Variants in BZW2 observed in about 807,000 individuals in gnomAD.
The protein encoded by BZW2 is eIF5-mimic protein 1.
Under a neutral mutation model 53.2 loss-of-function variants are expected in BZW2, and 23 were observed. That is an observed-to-expected ratio of 0.43 (90% CI 0.31 to 0.61). BZW2 has a LOEUF of 0.61. Among genes scored for constraint, BZW2 ranks in the 20% least tolerant of loss-of-function variants. BZW2 has a pLI of 0.09. For synonymous variants in BZW2, 227 were observed against 186.4 expected (o/e 1.22, Z -1.77); for missense variants, 409 against 503.1 (o/e 0.81, Z 1.79).
At position 16,665,287 on chromosome 7, in the gene BZW2, C is replaced by T. The variant is rs1296237559; in HGVS notation, c.-7-150C>T. The T allele has an allele frequency of 1.1e-5, 10 of 912,530 alleles. No individual in the cohort carries two copies. In the East Asian group the frequency reaches 2.5e-4, roughly 23 times the overall value. 56.5% of individuals were successfully genotyped at this position (912,530 alleles called of 1,614,324 possible). ...CACCACTGCACTCCCACCTGGGCGA[C>T]AGCGAGACTCTGTCTCAATTGAAAA... is the stretch of plus-strand genomic sequence containing the variant. On this transcript the variant is annotated intron_variant, in intron 1 of 11. Transcript: ENST00000258761.
intron 8 of BZW2, 55 bp downstream of exon 8, chr7:16,695,059 T>A: frequency 6.9e-7 from 1 of 1,449,874 alleles, no homozygotes; most frequent in East Asian, 2.3e-5. Flanking sequence ...AGGAATTACA[T>A]GGGCTGTGTA....
At chr7:16,672,812 C>G (rs1782645811) in intron 2 of BZW2, among the ~76,000 whole-genome samples, 1 of 152,122 alleles carries the variant, frequency 6.6e-6, no homozygotes, top group Non-Finnish European at 1.5e-5. Context: ...GAGTCTAAAC[C>G]AAAACTCTTT....
Position 16,674,422 on chromosome 7 carries a change from G to C in BZW2, c.69G>C (p.Glu23Asp). 6.3e-7 allele frequency: 1 copy of C among 1,582,856 alleles called. No individual in the cohort carries two copies. The part of the protein sequence containing the change: ...RFKTRKRDEK[E>D]KFEPTVFRDT... ...ATTGTTTTATTTTAGATGAAAAAGAGAAATTCGAACCCACAGTCTTCAGGG... is the reference window on the plus strand; with the variant it reads ...ATTGTTTTATTTTAGATGAAAAAGACAAATTCGAACCCACAGTCTTCAGGG... The change falls in exon 3 of 12, where the codon GAG (glutamate) becomes GAC (aspartate). Residue 23 changes from glutamate (E) to aspartate (D), a missense_variant. Physicochemically the swap from Glu to Asp is conservative, Grantham distance 45 (BLOSUM62 2). Transcript: ENST00000258761.
chr7:16,665,289 G>A (rs1401710522), intron 1 of BZW2, 148 bp from the exon 2 acceptor site: 12 of 934,496 alleles, frequency 1.3e-5, no homozygotes, highest in African/African-American at 3.3e-5. Flanking sequence ...CTGGGCGACA[G>A]CGAGACTCTG....
chr7:16,666,829 A>G (rs796431237), intron 2 of BZW2, among the ~76,000 whole-genome samples: 4 of 152,068 alleles, frequency 2.6e-5, no homozygotes, highest in Non-Finnish European at 5.9e-5. Context: ...AGGTCTTGCT[A>G]TGTTGTTGAA....
intron 1 of BZW2, among the ~76,000 whole-genome samples, chr7:16,652,200 C>T (rs1351500524): frequency 6.6e-6 from 1 of 152,140 alleles, no homozygotes; most frequent in Non-Finnish European, 1.5e-5. Context: ...GGGCTTACAT[C>T]CATGGTTTTC....
chr7:16,647,979 C>G (rs1211667339), intron 1 of BZW2, among the ~76,000 whole-genome samples: 1 of 152,172 alleles, frequency 6.6e-6, no homozygotes, highest in African/African-American at 2.4e-5. Context: ...TGCCTTATGA[C>G]ACTTGGTTGG....
At chr7:16,705,512 T>C (rs553991733) in intron 11 of BZW2, among the ~76,000 whole-genome samples, 76 of 151,678 alleles carry the variant, frequency 5.0e-4, no homozygotes, top group South Asian at 1.0e-3. Flanking sequence ...AGTGAAACCG[T>C]GTCTCTACTA....
chr7:16,698,745 A>G (rs1783579387), intron 10 of BZW2, among the ~76,000 whole-genome samples: 1 of 152,208 alleles, frequency 6.6e-6, no homozygotes, highest in East Asian at 1.9e-4. Context: ...TAAAATATGA[A>G]TGCTAAAGGT....
At position 16,674,625 on chromosome 7, in the gene BZW2, T is replaced by C. The variant is rs200769359; in HGVS notation, c.235+37T>C. ...ATTATCGCTTCTTGTAGTATATTTATATATTTTTAATTCTGTTGAAGTATT... is the reference window on the plus strand; with the variant it reads ...ATTATCGCTTCTTGTAGTATATTTACATATTTTTAATTCTGTTGAAGTATT... On this transcript the variant is annotated intron_variant, in intron 3 of 11. Coordinates refer to ENST00000258761, the MANE Select transcript of BZW2 (RefSeq NM_014038.3). The C allele has an allele frequency of 9.2e-5, 132 of 1,435,906 alleles. No homozygotes were observed. In the African/African-American group the frequency reaches 1.8e-3, roughly 19 times the overall value. The allele number at this position is 1,435,906 out of a possible 1,614,324, so 88.9% of individuals were successfully genotyped here.
At position 16,685,048 on chromosome 7, in the gene BZW2, A is replaced by G. The variant is rs1783071875; in HGVS notation, c.406-857A>G. On this transcript the variant is annotated intron_variant, in intron 5 of 11. Coordinates refer to ENST00000258761, the MANE Select transcript of BZW2 (RefSeq NM_014038.3). ...CTGTGGTGATAGTGGCCCCTGAGGA[A>G]TTTCCATGGCAAGCCTAATAACTGC... is the stretch of plus-strand genomic sequence containing the variant. Among the ~76,000 whole-genome samples the G allele has an allele frequency of 2.0e-5, 3 of 152,190 alleles. No homozygotes were observed. In the South Asian group the frequency reaches 6.2e-4, roughly 31 times the overall value.
chr7:16,667,966 C>G (rs1051056195), intron 2 of BZW2, among the ~76,000 whole-genome samples: 3 of 151,996 alleles, frequency 2.0e-5, no homozygotes, highest in African/African-American at 7.3e-5. Flanking sequence ...TTAAAGCAGT[C>G]TTGGAAAAAA....
intron 2 of BZW2, among the ~76,000 whole-genome samples, chr7:16,672,150 G>T (rs1272599965): frequency 1.3e-5 from 2 of 151,990 alleles, no homozygotes; most frequent in African/African-American, 4.8e-5. Context: ...AATGTACTTT[G>T]TGTGAATCCA....
At chr7:16,690,347 G>C (rs937442814) in intron 7 of BZW2, among the ~76,000 whole-genome samples, 2 of 151,898 alleles carry the variant, frequency 1.3e-5, no homozygotes, top group Non-Finnish European at 1.5e-5. Context: ...GATTACAGGT[G>C]CTCTCCACCA....
chr7:16,679,940 C>T (rs1279199739), intron 3 of BZW2, among the ~76,000 whole-genome samples: 1 of 152,246 alleles, frequency 6.6e-6, no homozygotes, highest in East Asian at 1.9e-4. Context: ...TTGAAACTTA[C>T]AGGAGGACCC....
chr7:16,690,938 C>T lies in BZW2; in HGVS notation c.651+1032C>T, dbSNP rs1419302997. Among the ~76,000 whole-genome samples, 5 of 152,334 alleles carry T rather than the reference C, an allele frequency of 3.3e-5. 1 individual carries two copies. The highest frequency in any genetic ancestry group is 1.2e-4 in the African/African-American group (5 of 41,578). On this transcript the variant is annotated intron_variant, in intron 7 of 11. Coordinates refer to ENST00000258761, the MANE Select transcript of BZW2 (RefSeq NM_014038.3). ...ACAGCGCTGCCATCTCTTCACCTGG[C>T]CTGTTCTCTGTTGTTCTCTTCCAAT...
At chr7:16,672,181 T>C (rs895394100) in intron 2 of BZW2, among the ~76,000 whole-genome samples, 3 of 152,148 alleles carry the variant, frequency 2.0e-5, no homozygotes, top group Non-Finnish European at 4.4e-5. Flanking sequence ...TTGTGCTGGG[T>C]TCCCAGACAG....
At chr7:16,661,147 A>C (rs1782248925) in intron 1 of BZW2, 1 of 152,202 alleles carries the variant, frequency 6.6e-6, no homozygotes, top group Non-Finnish European at 1.5e-5. Context: ...GCAGGTTATC[A>C]TAGTTCAAAG....
In BZW2 at chr7:16,706,128, C is replaced by A; in HGVS notation, c.*40C>A. ...ACAATACCTAGGTTACCACACACCA[C>A]TTTTTGATTGGGAATGCTGAACCAT... On this transcript the variant is annotated 3_prime_UTR_variant, in exon 12 of 12. Transcript: ENST00000258761. The A allele has an allele frequency of 1.2e-6, 2 of 1,601,772 alleles. No homozygotes were observed.
Sources: allele counts gnomAD v4.1 joint callset (sites outside exome capture counted in the v4.1 genomes callset), GRCh38; gene constraint gnomAD v4.1.1; transcripts MANE v1.5; gene names NCBI Gene and HGNC (gene_info 2026-07-23, HGNC 2026-07-21).